The following TMEM132C variants were observed in gnomAD, a reference collection of about 807,000 sequenced individuals.
TMEM132C encodes the protein protein phosphatase 1, regulatory subunit 152.
Under a neutral mutation model 61.4 loss-of-function variants are expected in TMEM132C, and 29 were observed. The ratio of observed to expected loss-of-function variants is 0.47; its 90% CI spans 0.35 to 0.64. The LOEUF is 0.64. TMEM132C is among the 30% of genes least tolerant of loss of function. The pLI is 0.00. For synonymous variants in TMEM132C, 656 were observed against 633.1 expected, an observed-to-expected ratio of 1.04 and a Z score of -0.54; for missense variants, 1,408 against 1,476.9, an observed-to-expected ratio of 0.95 and a Z score of 0.76.
chr12:128,299,120 C>T (rs976586053), intron 1 of TMEM132C, among the ~76,000 whole-genome samples: 5 of 152,114 alleles, frequency 3.3e-5, no homozygotes, highest in African/African-American at 1.2e-4. Flanking sequence ...CTGTGTTCAA[C>T]CTTTACCTTT....
rs538893945 is a variant in TMEM132C at position 128,459,744 on chromosome 12, G to A, written c.974+44124G>A. 1.3e-3 allele frequency among the ~76,000 whole-genome samples: 199 copies of A among 152,074 alleles called. 1 individual carries two copies. The highest frequency in any genetic ancestry group is 2.0e-3 in the Non-Finnish European group (138 of 67,970). ...TACTAAAAATACAAAAATTAGCCAG[G>A]TGTGGTGGTGAGTGCCTGTAATCCC... On this transcript the variant is annotated intron_variant, in intron 2 of 8. Transcript: ENST00000435159.
At chr12:128,464,322 A>G (rs909820581) in intron 2 of TMEM132C, among the ~76,000 whole-genome samples, 5 of 152,032 alleles carry the variant, frequency 3.3e-5, no homozygotes, top group Admixed American at 6.5e-5. Flanking sequence ...TGCATGCACT[A>G]CAGTTGGCCC....
intron 4 of TMEM132C, among the ~76,000 whole-genome samples, chr12:128,633,963 A>G (rs1954081694): frequency 6.6e-6 from 1 of 152,272 alleles, no homozygotes; most frequent in South Asian, 2.1e-4. Context: ...ATTAATTCAT[A>G]TAACAAATAT....
chr12:128,689,736 G>C (rs964615264), intron 5 of TMEM132C, among the ~76,000 whole-genome samples: 1 of 152,192 alleles, frequency 6.6e-6, no homozygotes, highest in Non-Finnish European at 1.5e-5. Context: ...TTACCATCAT[G>C]AGCGGGATGT....
At chr12:128,367,751 A>T (rs1191228232) in intron 1 of TMEM132C, among the ~76,000 whole-genome samples, 2 of 152,236 alleles carry the variant, frequency 1.3e-5, no homozygotes, top group African/African-American at 4.8e-5. Context: ...GTAAAAAAAA[A>T]AAATCACATG....
chr12:128,452,285 A>T (rs1358337804), intron 2 of TMEM132C, among the ~76,000 whole-genome samples: 1 of 151,834 alleles, frequency 6.6e-6, no homozygotes, highest in Non-Finnish European at 1.5e-5. Context: ...TTTTTTAGAG[A>T]CAGGGTTTTG....
chr12:128,598,487 C>A (rs73428408), intron 3 of TMEM132C, among the ~76,000 whole-genome samples: 2 of 152,042 alleles, frequency 1.3e-5, no homozygotes, highest in African/African-American at 2.4e-5. Context: ...CCCCAGCCCC[C>A]CTTCCACCAC....
intron 2 of TMEM132C, among the ~76,000 whole-genome samples, chr12:128,519,189 A>G (rs1450519062): frequency 1.3e-5 from 2 of 152,208 alleles, no homozygotes; most frequent in Non-Finnish European, 2.9e-5. Flanking sequence ...TAGTACAGAT[A>G]CCTCTTCTGC....
intron 1 of TMEM132C, among the ~76,000 whole-genome samples, chr12:128,410,235 A>G (rs1713586): frequency 0.48 from 73,227 of 151,890 alleles, 17,953 homozygotes; most frequent in South Asian, 0.74. Flanking sequence ...GAATTTTCAT[A>G]TACCCTTCAC....
chr12:128,368,176 C>T (rs1375362150), intron 1 of TMEM132C, among the ~76,000 whole-genome samples: 1 of 152,226 alleles, frequency 6.6e-6, no homozygotes, highest in Non-Finnish European at 1.5e-5. Flanking sequence ...TAGTTCATCC[C>T]CACTAGCTAG....
chr12:128,408,610 T>C (rs1868399675), intron 1 of TMEM132C, among the ~76,000 whole-genome samples: 1 of 152,232 alleles, frequency 6.6e-6, no homozygotes, highest in South Asian at 2.1e-4. Flanking sequence ...TTTAAGGACA[T>C]AGAGCCAGAG....
At chr12:128,688,420 T>A (rs533118739) in intron 5 of TMEM132C, among the ~76,000 whole-genome samples, 2 of 151,230 alleles carry the variant, frequency 1.3e-5, no homozygotes. Flanking sequence ...AAACTGAGTA[T>A]GAAAACAATA....
intron 3 of TMEM132C, among the ~76,000 whole-genome samples, chr12:128,572,562 G>A (rs77181488): frequency 0.026 from 3,708 of 141,874 alleles, 128 homozygotes; most frequent in African/African-American, 0.082. Context: ...TACTTGTGGC[G>A]TCTGCTGATT....
intron 1 of TMEM132C, among the ~76,000 whole-genome samples, chr12:128,381,787 C>T (rs1421429607): frequency 6.6e-6 from 1 of 152,198 alleles, no homozygotes; most frequent in African/African-American, 2.4e-5. Flanking sequence ...AGTGGCAAGA[C>T]ACAAACTTCA....
At chr12:128,386,567 G>A (rs1683694) in intron 1 of TMEM132C, among the ~76,000 whole-genome samples, 41,672 of 152,048 alleles carry the variant, frequency 0.27, 5,802 homozygotes, top group Middle Eastern at 0.32. Context: ...GAGGAAATAA[G>A]AGAAATAAAA....
chr12:128,648,713 C>T (rs1954236731), intron 4 of TMEM132C, among the ~76,000 whole-genome samples: 1 of 144,096 alleles, frequency 6.9e-6, no homozygotes, highest in Non-Finnish European at 1.5e-5. Flanking sequence ...TAGCTCAGTC[C>T]ATCAGCGTTG....
At chr12:128,605,567 C>CA (rs1396411841) in intron 3 of TMEM132C, among the ~76,000 whole-genome samples, 1 of 152,176 alleles carries the variant, frequency 6.6e-6, no homozygotes, top group African/African-American at 2.4e-5. Context: ...TTAACCCTCA[C>CA]AGAGACCAGA....
Position 128,706,596 on chromosome 12 carries a change from G to T in TMEM132C, c.*301G>T, listed in dbSNP as rs1186219778. The T allele has an allele frequency of 7.4e-6, 2 of 270,270 alleles. No individual in the cohort carries two copies. The highest frequency in any genetic ancestry group is 6.9e-6 in the Non-Finnish European group (1 of 145,210). 16.7% of individuals were successfully genotyped at this position (270,270 alleles called of 1,614,324 possible). A position where few individuals can be genotyped will look rare whatever the true frequency, so the allele number is the denominator to read the frequency against. The stretch of plus-strand genomic sequence containing the variant: ...ATTTTATGAGTCAAAACATACTACA[G>T]ACAAGCTACCAAAAATTATTTGTTA... On this transcript the variant is annotated 3_prime_UTR_variant, in exon 9 of 9. Coordinates refer to ENST00000435159, the MANE Select transcript of TMEM132C (RefSeq NM_001136103.3).
chr12:128,493,940 A>G (rs1474065667), intron 2 of TMEM132C, among the ~76,000 whole-genome samples: 11 of 149,904 alleles, frequency 7.3e-5, no homozygotes, highest in Admixed American at 2.7e-4. Context: ...TTTTCAAAGG[A>G]AATGCTTCCA....
Sources: allele counts gnomAD v4.1 joint callset (sites outside exome capture counted in the v4.1 genomes callset), GRCh38; gene constraint gnomAD v4.1.1; transcripts MANE v1.5; gene names NCBI Gene and HGNC (gene_info 2026-07-23, HGNC 2026-07-21).